Variants in SLC18A2 observed in about 807,000 individuals in gnomAD.
The protein encoded by SLC18A2 is synaptic vesicular amine transporter.
A neutral mutation model predicts 59.2 loss-of-function variants in SLC18A2; 33 were observed. The ratio of observed to expected loss-of-function variants is 0.56; its 90% CI spans 0.42 to 0.75. The LOEUF (loss-of-function observed/expected upper bound fraction) is 0.75. SLC18A2 is among the 30% of genes least tolerant of loss of function. The pLI is 0.00. For missense variants in SLC18A2, 569 were observed against 668.6 expected (o/e 0.85, Z 1.64); for synonymous variants, 228 against 253.5 (o/e 0.90, Z 0.95).
chr10:117,254,378 C>T (rs570664978), intron 5 of SLC18A2, 27 bp from the exon 6 acceptor site: 2 of 1,538,688 alleles, frequency 1.3e-6, no homozygotes, highest in East Asian at 4.5e-5. Flanking sequence ...CGGAGCTGGC[C>T]TGTTGACTAT....
chr10:117,277,481 C>A lies in SLC18A2; in HGVS notation c.*215C>A. ...GGGGTTTGTATAAATAGTGTTGAAA[C>A]TTTATTTTATGTATTTAATTTTATT... On this transcript the variant is annotated 3_prime_UTR_variant, in exon 16 of 16. Coordinates refer to ENST00000644641, the MANE Select transcript of SLC18A2 (RefSeq NM_003054.6). The A allele has an allele frequency of 3.2e-6, 1 of 314,898 alleles. No homozygotes were observed. 19.5% of individuals were successfully genotyped at this position (314,898 alleles called of 1,614,324 possible). A position where few individuals can be genotyped will look rare whatever the true frequency, so the allele number is the denominator to read the frequency against.
rs2072362 is a variant in SLC18A2, at chr10:117,254,512, C to T, written c.700+15C>T. The T allele has an allele frequency of 0.89, 1,403,279 of 1,575,980 alleles. 626,387 individuals carry two copies. Among genetic ancestry groups the T allele is most frequent in the African/African-American group, 0.92 (67,842 of 73,872 alleles). On this transcript the variant is annotated intron_variant, in intron 6 of 15. Coordinates refer to ENST00000644641, the MANE Select transcript of SLC18A2 (RefSeq NM_003054.6). The stretch of plus-strand genomic sequence containing the variant: ...GGGGGTCTTAGGTGGGTAAGGCCCC[C>T]GTGTAGGCAAACTGGCAAGAGGGGC...
intron 13 of SLC18A2, 62 bp from the exon 14 acceptor site, chr10:117,270,009 T>A: frequency 6.3e-7 from 1 of 1,598,094 alleles, no homozygotes; most frequent in East Asian, 2.2e-5. Context: ...CACTCCCTGA[T>A]ATTCGGCCCA....
At position 117,254,513 on chromosome 10, in the gene SLC18A2, G is replaced by T. The variant is rs768220940; in HGVS notation, c.700+16G>T. The T allele has an allele frequency of 3.6e-5, 56 of 1,562,508 alleles. 1 individual carries two copies. In the South Asian group the frequency reaches 6.4e-4, roughly 18 times the overall value. ...GGGGTCTTAGGTGGGTAAGGCCCCC[G>T]TGTAGGCAAACTGGCAAGAGGGGCC... On this transcript the variant is annotated intron_variant, in intron 6 of 15. Coordinates refer to ENST00000644641, the MANE Select transcript of SLC18A2 (RefSeq NM_003054.6).
intron 15 of SLC18A2, among the ~76,000 whole-genome samples, chr10:117,271,222 G>GA (rs1003417983): frequency 6.6e-6 from 1 of 152,238 alleles, no homozygotes; most frequent in African/African-American, 2.4e-5. Flanking sequence ...TTGTCCAGGT[G>GA]AAAGGAGAGT....
At chr10:117,255,201 G>A in intron 6 of SLC18A2, 76 bp from the exon 7 acceptor site, 1 of 1,331,610 alleles carries the variant, frequency 7.5e-7, no homozygotes, top group Non-Finnish European at 1.1e-6. Flanking sequence ...AGAAACACAA[G>A]AGTCAAATAG....
intron 3 of SLC18A2, among the ~76,000 whole-genome samples, chr10:117,250,191 G>A (rs1332140027): frequency 6.6e-6 from 1 of 152,132 alleles, no homozygotes; most frequent in South Asian, 2.1e-4. Flanking sequence ...CCTTGAAGCC[G>A]AGCTCTGGGG....
At position 117,254,126 on chromosome 10, in the gene SLC18A2, T is replaced by C; in HGVS notation, c.602T>C (p.Val201Ala). 1 of 1,613,312 alleles carries C rather than the reference T, an allele frequency of 6.2e-7. No homozygotes were observed. The highest frequency in any genetic ancestry group is 1.1e-5 in the South Asian group (1 of 91,080). Residue 201 changes from valine (V) to alanine (A), a missense_variant, in exon 5 of 16, where the codon GTG becomes GCG. Val to Ala is a moderately conservative substitution (Grantham distance 64, BLOSUM62 0). This residue lies in a region of SLC18A2 where 377 missense variants were observed against 389.8 expected (regional missense o/e 0.97). Transcript: ENST00000644641. ...LQGIGSSCSSVAGMGMLASVY... is the reference protein window; with the variant it reads ...LQGIGSSCSSAAGMGMLASVY... ...GGCATCGGCTCGTCCTGCTCCTCTG[T>C]GGCTGGTAGGTGTGGAATGCCTGAG...
In SLC18A2 at chr10:117,265,894, A is replaced by C. The variant is rs1193845735; in HGVS notation, c.992-839A>C. On this transcript the variant is annotated intron_variant, in intron 10 of 15. Coordinates refer to ENST00000644641, the MANE Select transcript of SLC18A2 (RefSeq NM_003054.6). ...CACCTGAGGTCAGGAGTTTGAGCCC[A>C]GCCTGGCCAACATGTTGAAACTCAG... Among the ~76,000 whole-genome samples, 6 of 152,176 alleles carry C rather than the reference A, an allele frequency of 3.9e-5. No individual in the cohort carries two copies. The East Asian group carries it at 1.2e-3, about 29-fold the overall frequency.
chr10:117,271,197 A>G (rs1844421481), intron 15 of SLC18A2, among the ~76,000 whole-genome samples: 1 of 152,202 alleles, frequency 6.6e-6, no homozygotes. Context: ...TAAAACAGCA[A>G]ATGCTGATAG....
Position 117,253,933 on chromosome 10 carries a change from G to A in SLC18A2, c.524-115G>A, listed in dbSNP as rs957639370. On this transcript the variant is annotated intron_variant, in intron 4 of 15. Transcript: ENST00000644641. ...GCTTTTTACGGAACAAAAGCACAGG[G>A]TGGCTAACATGCAAATGCTCCACTG... 29 of 883,104 alleles carry A rather than the reference G, an allele frequency of 3.3e-5. No homozygotes were observed. In the African/African-American group the frequency reaches 3.8e-4, roughly 12 times the overall value. 54.7% of individuals were successfully genotyped at this position (883,104 alleles called of 1,614,324 possible).
rs763611772 is a variant in SLC18A2, at chr10:117,257,934, C to T, written c.991+42C>T. On this transcript the variant is annotated intron_variant, in intron 10 of 15. Coordinates refer to ENST00000644641, the MANE Select transcript of SLC18A2 (RefSeq NM_003054.6). ...GCTCTTCTGATTCAAGAGCATTTGT[C>T]CCCAGGGCAGCCTTTGTCCCCAGGG... is the stretch of plus-strand genomic sequence containing the variant. The T allele has an allele frequency of 8.4e-6, 12 of 1,423,404 alleles. No individual in the cohort carries two copies. In the South Asian group the frequency reaches 1.2e-4, roughly 15 times the overall value. The allele number at this position is 1,423,404 out of a possible 1,614,324, so 88.2% of individuals were successfully genotyped here.
At chr10:117,241,837 TG>T in intron 2 of SLC18A2, 23 bp downstream of exon 2, 1 of 1,593,354 alleles carries the variant, frequency 6.3e-7, no homozygotes, top group Non-Finnish European at 8.5e-7. Flanking sequence ...AGGGCACCCC[TG>T]CCCCGGCACC....
At position 117,253,620 on chromosome 10, in the gene SLC18A2, C is replaced by T. The variant is rs546312212; in HGVS notation, c.523+163C>T. 1.3e-3 allele frequency among the ~76,000 whole-genome samples: 193 copies of T among 151,562 alleles called. No homozygotes were observed. In the Middle Eastern group the frequency reaches 0.017, roughly 13 times the overall value. The stretch of plus-strand genomic sequence containing the variant: ...GAGCACTTTGGGAGGCTGAGGTGGG[C>T]GGATCATCTGAGGTCAGGAGTCCGA... On this transcript the variant is annotated intron_variant, in intron 4 of 15. Coordinates refer to ENST00000644641, the MANE Select transcript of SLC18A2 (RefSeq NM_003054.6).
Position 117,277,226 on chromosome 10 carries a change from C to G in SLC18A2, c.1505C>G (p.Ser502Ter). ...TKMYTQNNIQ[S>*]YPIGEDEESE... ...ATGTACACTCAGAATAATATCCAGT[C>G]ATATCCGATAGGTGAAGATGAAGAA... The change falls in exon 16 of 16, where the codon TCA becomes TGA. Residue 502 changes from serine (S) to a stop codon, truncating the protein, a stop_gained. Transcript: ENST00000644641. LOFTEE classifies it high-confidence loss of function. 1.2e-6 allele frequency: 2 copies of G among 1,611,306 alleles called. No individual in the cohort carries two copies. The highest frequency in any genetic ancestry group is 1.7e-6 in the Non-Finnish European group (2 of 1,178,110).
At position 117,270,158 on chromosome 10, in the gene SLC18A2, C is replaced by G; in HGVS notation, c.1274C>G (p.Ala425Gly). 1 of 1,614,206 alleles carries G rather than the reference C, an allele frequency of 6.2e-7. No individual in the cohort carries two copies. Among genetic ancestry groups the G allele is most frequent in the Non-Finnish European group, 8.5e-7 (1 of 1,180,028 alleles). ...VSVYGSVYAI[A>G]DVAFCMGYAI... ...GTCTATGGGAGTGTGTACGCCATTG[C>G]GGATGTGGCATTTTGTATGGGGTAT... Residue 425 changes from alanine (A) to glycine (G), a missense_variant, in exon 14 of 16, where the codon GCG becomes GGG. Ala to Gly is a moderately conservative substitution (Grantham distance 60). Around this residue, in one of 2 missense-constraint regions of SLC18A2, gnomAD observed 192 missense variants for 278.8 expected, o/e 0.69. Transcript: ENST00000644641.
chr10:117,242,171 T>C (rs1174525642), intron 2 of SLC18A2, among the ~76,000 whole-genome samples: 1 of 152,212 alleles, frequency 6.6e-6, no homozygotes, highest in Non-Finnish European at 1.5e-5. Flanking sequence ...AGAATAATTA[T>C]TGGGCTACTC....
At chr10:117,255,805 GT>G in intron 9 of SLC18A2, 148 bp downstream of exon 9, 1 of 686,658 alleles carries the variant, frequency 1.5e-6, no homozygotes, top group Non-Finnish European at 2.4e-6. Context: ...GAGGCTACAA[GT>G]CAAAGGAAAT....
chr10:117,270,502 A>AT, intron 15 of SLC18A2, 39 bp downstream of exon 15: 1 of 1,607,712 alleles, frequency 6.2e-7, no homozygotes, highest in South Asian at 1.1e-5. Context: ...TTTCTTGATA[A>AT]TTTTAGCATG....
Sources: gnomAD v4.1 joint callset for allele counts (sites outside exome capture counted in the v4.1 genomes callset) on GRCh38, gnomAD v4.1.1 for gene constraint, gnomAD v4.1.1 regional missense constraint, MANE v1.5 for transcripts, NCBI Gene and HGNC (gene_info 2026-07-23, HGNC 2026-07-21) for gene names.